The following EPHB1 variants were observed in gnomAD, a reference collection of about 807,000 sequenced individuals.
EPHB1 encodes ephrin type-B receptor 1.
EPHB1 carries 30 observed loss-of-function variants against 94.4 expected under a neutral mutation model. The observed-to-expected ratio is 0.32, with a 90% CI of 0.24 to 0.43. EPHB1 has a LOEUF of 0.43. EPHB1 is among the 20% of genes least tolerant of loss of function. The pLI is 1.00. For synonymous variants in EPHB1, 522 were observed against 489.1 expected, an observed-to-expected ratio of 1.07 and a Z score of -0.89; for missense variants, 1,055 against 1,308.3, an observed-to-expected ratio of 0.81 and a Z score of 2.99.
At chr3:135,174,687 T>C (rs1289909644) in intron 9 of EPHB1, among the ~76,000 whole-genome samples, 3 of 152,186 alleles carry the variant, frequency 2.0e-5, no homozygotes, top group Non-Finnish European at 4.4e-5. Context: ...TTGATCAACA[T>C]ACTGAGGCAG....
At chr3:134,872,947 C>T (rs757147232) in intron 1 of EPHB1, among the ~76,000 whole-genome samples, 18 of 152,200 alleles carry the variant, frequency 1.2e-4, no homozygotes, top group Non-Finnish European at 1.3e-4. Context: ...ATTTGAGATA[C>T]TGTAGACAGG....
intron 3 of EPHB1, among the ~76,000 whole-genome samples, chr3:135,034,153 GATAA>G (rs1936572293): frequency 6.6e-6 from 1 of 152,090 alleles, no homozygotes; most frequent in Non-Finnish European, 1.5e-5. Context: ...TGATTTACTG[GATAA>G]ATATATATTT....
chr3:135,003,366 G>A (rs1265386031), intron 3 of EPHB1, among the ~76,000 whole-genome samples: 2 of 151,832 alleles, frequency 1.3e-5, no homozygotes, highest in African/African-American at 2.4e-5. Context: ...GCTGAGGAGA[G>A]CTTTACTTCC....
At chr3:135,025,165 CTTTTT>C (rs747024011) in intron 3 of EPHB1, among the ~76,000 whole-genome samples, 1 of 80,718 alleles carries the variant, frequency 1.2e-5, no homozygotes, top group Non-Finnish European at 2.2e-5. Flanking sequence ...TTCCTTCTTT[CTTTTT>C]TTTTTTTTTT....
chr3:134,815,954 G>A (rs1378437917), intron 1 of EPHB1, among the ~76,000 whole-genome samples: 6 of 128,206 alleles, frequency 4.7e-5, no homozygotes, highest in Non-Finnish European at 6.8e-5. Flanking sequence ...TTTTTGGGGG[G>A]CATGGAAATT....
intron 3 of EPHB1, among the ~76,000 whole-genome samples, chr3:135,097,472 A>G (rs1938846202): frequency 6.6e-6 from 1 of 152,068 alleles, no homozygotes. Context: ...CCCTTGAGAC[A>G]CTGCTCTTCT....
Position 135,241,050 on chromosome 3 carries a change from A to T in EPHB1, c.2347-98A>T, listed in dbSNP as rs1319477052. 5 of 1,358,726 alleles carry T rather than the reference A, an allele frequency of 3.7e-6. No individual in the cohort carries two copies. The East Asian group carries it at 9.2e-5, about 25-fold the overall frequency. The allele number at this position is 1,358,726 out of a possible 1,614,324, so 84.2% of individuals were successfully genotyped here. ...TCTGTCATAATTCACAAGATATGGG[A>T]GTGAGAGTTTGGAAGAATGTGCATG... On this transcript the variant is annotated intron_variant, in intron 12 of 15. Coordinates refer to ENST00000398015, the MANE Select transcript of EPHB1 (RefSeq NM_004441.5).
chr3:134,813,562 G>A (rs1380392308), intron 1 of EPHB1, among the ~76,000 whole-genome samples: 1 of 152,138 alleles, frequency 6.6e-6, no homozygotes, highest in Non-Finnish European at 1.5e-5. Context: ...CTCAGGACTG[G>A]GCCCATTTGA....
At chr3:134,806,851 A>C (rs2036051572) in intron 1 of EPHB1, among the ~76,000 whole-genome samples, 1 of 152,178 alleles carries the variant, frequency 6.6e-6, no homozygotes, top group East Asian at 1.9e-4. Context: ...AATAATGTAC[A>C]TATAATTTCA....
chr3:134,850,484 G>C (rs983074992), intron 1 of EPHB1, among the ~76,000 whole-genome samples: 7 of 152,166 alleles, frequency 4.6e-5, no homozygotes, highest in African/African-American at 1.7e-4. Context: ...ATTCTCTCCC[G>C]GCCTGAGGGA....
At chr3:134,820,502 G>A (rs756643364) in intron 1 of EPHB1, among the ~76,000 whole-genome samples, 1 of 152,192 alleles carries the variant, frequency 6.6e-6, no homozygotes, top group Non-Finnish European at 1.5e-5. Flanking sequence ...GGGGGGAAGA[G>A]ATGCTTAAAG....
chr3:135,056,752 T>A (rs1268316290), intron 3 of EPHB1, among the ~76,000 whole-genome samples: 1 of 152,244 alleles, frequency 6.6e-6, no homozygotes, highest in Non-Finnish European at 1.5e-5. Flanking sequence ...CTTGGAGCCC[T>A]CGCAGACGAG....
intron 1 of EPHB1, among the ~76,000 whole-genome samples, chr3:134,841,890 G>GT (rs1468220387): frequency 6.6e-6 from 1 of 152,146 alleles, no homozygotes; most frequent in African/African-American, 2.4e-5. Context: ...ATTCCCCTTT[G>GT]TTTTTTCCTG....
chr3:135,195,407 A>G (rs1232779971), intron 11 of EPHB1, among the ~76,000 whole-genome samples: 1 of 151,954 alleles, frequency 6.6e-6, no homozygotes, highest in African/African-American at 2.4e-5. Flanking sequence ...ATATGTATAC[A>G]TGTGCCATGC....
intron 3 of EPHB1, among the ~76,000 whole-genome samples, chr3:134,984,817 C>A (rs187464237): frequency 2.2e-4 from 34 of 152,042 alleles, no homozygotes; most frequent in African/African-American, 7.7e-4. Flanking sequence ...AGAGGCCTAG[C>A]GAACTGAGTG....
chr3:135,047,167 A>G (rs933656480), intron 3 of EPHB1, among the ~76,000 whole-genome samples: 8 of 152,204 alleles, frequency 5.3e-5, no homozygotes, highest in Non-Finnish European at 1.0e-4. Context: ...CAACAGTCCA[A>G]TGAACTCAAA....
At chr3:134,816,845 G>T (rs552432686) in intron 1 of EPHB1, among the ~76,000 whole-genome samples, 1 of 152,084 alleles carries the variant, frequency 6.6e-6, no homozygotes, top group Non-Finnish European at 1.5e-5. Flanking sequence ...TCATGGCCAA[G>T]AGTCGCAGGC....
At chr3:134,963,452 C>A (rs936325) in intron 3 of EPHB1, among the ~76,000 whole-genome samples, 2 of 151,960 alleles carry the variant, frequency 1.3e-5, no homozygotes, top group Non-Finnish European at 2.9e-5. Flanking sequence ...TGGTTATAAC[C>A]TGGGTATGGA....
At chr3:135,027,262 G>A (rs1417315864) in intron 3 of EPHB1, among the ~76,000 whole-genome samples, 5 of 151,976 alleles carry the variant, frequency 3.3e-5, no homozygotes, top group African/African-American at 1.2e-4. Context: ...TTGAATAGGA[G>A]TGGTGAGAGA....
Sources: gnomAD v4.1 joint callset for allele counts (sites outside exome capture counted in the v4.1 genomes callset) on GRCh38, gnomAD v4.1.1 for gene constraint, MANE v1.5 for transcripts, NCBI Gene and HGNC (gene_info 2026-07-23, HGNC 2026-07-21) for gene names.